EDN3: variants seen among roughly 807,000 people sequenced by gnomAD.
EDN3 encodes the protein endothelin-3.
Under a neutral mutation model 21.4 loss-of-function variants are expected in EDN3, and 9 were observed. The ratio of observed to expected loss-of-function variants is 0.42; its 90% CI spans 0.25 to 0.73. The LOEUF (loss-of-function observed/expected upper bound fraction) is 0.73. Among genes scored for constraint, EDN3 ranks in the 30% least tolerant of loss-of-function variants. The pLI, the probability that EDN3 is intolerant of heterozygous loss-of-function variation, is 0.26. For synonymous variants in EDN3, 133 were observed against 126.2 expected (o/e 1.05, Z -0.36); for missense variants, 327 against 309.4 (o/e 1.06, Z -0.43).
In EDN3 at chr20:59,322,312, C is replaced by T. The variant is rs190615477; in HGVS notation, c.543-60C>T. ...GGAAGAGGAAGTCATAATTTGACAC[C>T]GAAAAACCAGCCACAGGGAAAGGCA... On this transcript the variant is annotated intron_variant, in intron 3 of 4. Transcript: ENST00000337938. This position sits in a 1 kb window ranked among gnomAD's most constrained non-coding sequence, Gnocchi z 4.1. 14 of 1,603,862 alleles carry T rather than the reference C, an allele frequency of 8.7e-6. No homozygotes were observed. The highest frequency in any genetic ancestry group is 5.0e-5 in the Admixed American group (3 of 59,966).
At chr20:59,313,712 G>A (rs757695359) in intron 2 of EDN3, among the ~76,000 whole-genome samples, 37 of 152,336 alleles carry the variant, frequency 2.4e-4, no homozygotes, top group African/African-American at 7.5e-4. Flanking sequence ...ACTTTAAGCC[G>A]TGAGAATTTT....
intron 2 of EDN3, among the ~76,000 whole-genome samples, chr20:59,317,485 T>G (rs1990254228): frequency 6.6e-6 from 1 of 152,230 alleles, no homozygotes; most frequent in African/African-American, 2.4e-5. Flanking sequence ...AGCCACACTT[T>G]TGTCGACCAG....
chr20:59,313,037 A>T (rs946786308), intron 2 of EDN3, among the ~76,000 whole-genome samples: 1 of 152,162 alleles, frequency 6.6e-6, no homozygotes, highest in Non-Finnish European at 1.5e-5. Flanking sequence ...CTTCCACTTC[A>T]AGTAATCTAG....
At chr20:59,312,278 G>A (rs966813212) in intron 2 of EDN3, among the ~76,000 whole-genome samples, 3 of 152,182 alleles carry the variant, frequency 2.0e-5, no homozygotes, top group Non-Finnish European at 4.4e-5. Flanking sequence ...GATGCATTTT[G>A]GTTGTACCAG....
intron 2 of EDN3, among the ~76,000 whole-genome samples, chr20:59,318,189 G>A (rs991209095): frequency 3.3e-5 from 5 of 152,234 alleles, no homozygotes; most frequent in Admixed American, 2.0e-4. Flanking sequence ...GGTGACAGCT[G>A]CTTACAGGAT....
In EDN3 at chr20:59,322,601, A is replaced by G; in HGVS notation, c.588+184A>G. Reference sequence around the variant, plus strand: ...TTTGGTGGACCGTTTCTGGGGGCAGAGCGGGCTGAAGCTGTGGACAGCTGC... The same window carrying G: ...TTTGGTGGACCGTTTCTGGGGGCAGGGCGGGCTGAAGCTGTGGACAGCTGC... On this transcript the variant is annotated intron_variant, in intron 4 of 4. Coordinates refer to ENST00000337938, the MANE Select transcript of EDN3 (RefSeq NM_207034.3). The surrounding 1 kb of genome is among the most constrained non-coding windows in gnomAD (Gnocchi z 4.1). 1 of 816,784 alleles carries G rather than the reference A, an allele frequency of 1.2e-6. No homozygotes were observed. The highest frequency in any genetic ancestry group is 2.1e-6 in the Non-Finnish European group (1 of 487,320). The allele number at this position is 816,784 out of a possible 1,614,324, so 50.6% of individuals were successfully genotyped here.
chr20:59,301,813 G>T lies in EDN3; in HGVS notation c.365+91G>T, dbSNP rs576171139. 1.8e-5 allele frequency: 25 copies of T among 1,423,622 alleles called. No individual in the cohort carries two copies. The Admixed American group carries it at 2.4e-4, about 13-fold the overall frequency. 88.2% of individuals were successfully genotyped at this position (1,423,622 alleles called of 1,614,324 possible). Reference sequence around the variant, plus strand: ...GAGGACCTCACTCCACCCCAGCCCCGCTCAGTTAGCCCAGAGCCTGCCCTG... The same window carrying T: ...GAGGACCTCACTCCACCCCAGCCCCTCTCAGTTAGCCCAGAGCCTGCCCTG... On this transcript the variant is annotated intron_variant, in intron 2 of 4. Coordinates refer to ENST00000337938, the MANE Select transcript of EDN3 (RefSeq NM_207034.3).
chr20:59,303,917 C>T (rs1989221654), intron 2 of EDN3, among the ~76,000 whole-genome samples: 1 of 151,966 alleles, frequency 6.6e-6, no homozygotes, highest in South Asian at 2.1e-4. Context: ...CCCTGAGCTA[C>T]TTGGGAAACA....
intron 2 of EDN3, among the ~76,000 whole-genome samples, chr20:59,317,189 G>A (rs1327314775): frequency 2.0e-5 from 3 of 152,242 alleles, no homozygotes; most frequent in African/African-American, 7.2e-5. Flanking sequence ...ATGCTCATGA[G>A]ATATGAGTAC....
intron 2 of EDN3, among the ~76,000 whole-genome samples, chr20:59,302,857 C>T (rs1989143311): frequency 6.6e-6 from 1 of 152,138 alleles, no homozygotes; most frequent in Admixed American, 6.5e-5. Context: ...CCTCTGAGCC[C>T]TTGGTAGCAG....
At position 59,306,595 on chromosome 20, in the gene EDN3, T is replaced by TAAAAAAAAAAAAAAAAAAAAAAAAAA. The variant is rs57144708; in HGVS notation, c.365+4897_365+4898insAAAAAAAAAAAAAAAAAAAAAAAAAA. 2.1e-4 allele frequency among the ~76,000 whole-genome samples: 13 copies of TAAAAAAAAAAAAAAAAAAAAAAAAAA among 62,456 alleles called. 1 individual carries two copies. Among genetic ancestry groups the TAAAAAAAAAAAAAAAAAAAAAAAAAA allele is most frequent in the Non-Finnish European group, 2.9e-4 (10 of 34,440 alleles). 41.0% of individuals were successfully genotyped at this position (62,456 alleles called of 152,430 possible). On this transcript the variant is annotated intron_variant, in intron 2 of 4. Coordinates refer to ENST00000337938, the MANE Select transcript of EDN3 (RefSeq NM_207034.3). Reference sequence around the variant, plus strand: ...TTTTCTCCCCTAAATGCATAAAGAGTAAAAAAAAAAAAAAAAAAAAAAAAG... The same window carrying TAAAAAAAAAAAAAAAAAAAAAAAAAA: ...TTTTCTCCCCTAAATGCATAAAGAGTAAAAAAAAAAAAAAAAAAAAAAAAAAAAAAAAAAAAAAAAAAAAAAAAAAG...
Position 59,325,110 on chromosome 20 carries a change from A to G in EDN3, c.*651A>G, listed in dbSNP as rs1000764014. 4 of 160,098 alleles carry G rather than the reference A, an allele frequency of 2.5e-5. No homozygotes were observed. Among genetic ancestry groups the G allele is most frequent in the African/African-American group, 4.8e-5 (2 of 41,494 alleles). The allele number at this position is 160,098 out of a possible 1,614,324, so 9.9% of individuals were successfully genotyped here. On this transcript the variant is annotated 3_prime_UTR_variant, in exon 5 of 5. Transcript: ENST00000337938. ...GTGACAAGAAAATGAGAAAGTTAGT[A>G]TCTGCAATACAGAGCTTGTTCCTGT... is the stretch of plus-strand genomic sequence containing the variant.
chr20:59,308,845 C>T (rs1308213486), intron 2 of EDN3, among the ~76,000 whole-genome samples: 8 of 152,194 alleles, frequency 5.3e-5, no homozygotes, highest in African/African-American at 1.7e-4. Flanking sequence ...TGCTCAAGTT[C>T]TGCTGGGGTC....
intron 2 of EDN3, among the ~76,000 whole-genome samples, chr20:59,315,682 C>G (rs1054691339): frequency 2.6e-5 from 4 of 152,144 alleles, no homozygotes; most frequent in Non-Finnish European, 5.9e-5. Flanking sequence ...GTTGTAAACT[C>G]AGATGCTCCT....
chr20:59,314,965 C>T (rs1258404836), intron 2 of EDN3, among the ~76,000 whole-genome samples: 2 of 152,154 alleles, frequency 1.3e-5, no homozygotes, highest in African/African-American at 2.4e-5. Context: ...CCAGAGATTG[C>T]ATATGTAGGT....
intron 2 of EDN3, among the ~76,000 whole-genome samples, chr20:59,319,765 GAA>G (rs1431577694): frequency 6.6e-6 from 1 of 150,532 alleles, no homozygotes; most frequent in Non-Finnish European, 1.5e-5. Context: ...AAAAAGAAAA[GAA>G]AAGAAAAAAG....
intron 2 of EDN3, among the ~76,000 whole-genome samples, chr20:59,306,703 G>A (rs1989453460): frequency 6.7e-6 from 1 of 149,928 alleles, no homozygotes; most frequent in African/African-American, 2.5e-5. Flanking sequence ...TGCCTTCTGT[G>A]TTCTTCAAGA....
At chr20:59,301,219 C>G (rs1294351719) in intron 1 of EDN3, among the ~76,000 whole-genome samples, 191 bp from the exon 2 acceptor site, 1 of 152,230 alleles carries the variant, frequency 6.6e-6, no homozygotes, top group Non-Finnish European at 1.5e-5. Context: ...AAGTTTTCAA[C>G]GGGTGCAGAT....
intron 4 of EDN3, 109 bp from the exon 5 acceptor site, chr20:59,324,221 TG>T: frequency 1.4e-6 from 2 of 1,384,562 alleles, no homozygotes; most frequent in Non-Finnish European, 1.0e-6. Flanking sequence ...GGGAACAGGC[TG>T]GAGAGGCAGT....
Sources: gnomAD v4.1 joint callset for allele counts (sites outside exome capture counted in the v4.1 genomes callset) on GRCh38, gnomAD v4.1.1 for gene constraint, Gnocchi (gnomAD v3.1) non-coding constraint, MANE v1.5 for transcripts, NCBI Gene and HGNC (gene_info 2026-07-23, HGNC 2026-07-21) for gene names.